PIK3CA: variants seen among roughly 807,000 people sequenced by gnomAD.
PIK3CA encodes the protein phosphatidylinositol-4,5-bisphosphate 3-kinase catalytic subunit alpha.
PIK3CA carries 27 observed loss-of-function variants against 138.2 expected under a neutral mutation model. The observed-to-expected ratio is 0.20, with a 90% CI of 0.14 to 0.27. The LOEUF is 0.27. PIK3CA is among the 10% of genes least tolerant of loss of function. The pLI is 1.00. For synonymous variants in PIK3CA, 358 were observed against 413.2 expected (o/e 0.87, Z 1.62); for missense variants, 544 against 1,277.4 (o/e 0.43, Z 8.75).
chr3:179,235,543 T>C lies in PIK3CA; in HGVS notation c.*1179T>C, dbSNP rs1725317376. ...TCTTTCCTTTTATTTCTTATGTGAA[T>C]CTCCCGTCTTCCATTCTCTTTTATA... On this transcript the variant is annotated 3_prime_UTR_variant, in exon 21 of 21. Transcript: ENST00000263967. The C allele has an allele frequency of 5.1e-6, 1 of 197,942 alleles. No homozygotes were observed. 12.3% of individuals were successfully genotyped at this position (197,942 alleles called of 1,614,324 possible). A position where few individuals can be genotyped will look rare whatever the true frequency, so the allele number is the denominator to read the frequency against.
At chr3:179,215,661 A>C (rs1279686718) in intron 9 of PIK3CA, among the ~76,000 whole-genome samples, 2 of 152,114 alleles carry the variant, frequency 1.3e-5, no homozygotes, top group Admixed American at 6.5e-5. Flanking sequence ...ATCTTTCCAG[A>C]AGTATAGAAG....
chr3:179,186,106 C>G (rs1723975677), intron 1 of PIK3CA, among the ~76,000 whole-genome samples: 1 of 152,158 alleles, frequency 6.6e-6, no homozygotes, highest in African/African-American at 2.4e-5. Flanking sequence ...GGGCTGCCAG[C>G]CACCAGTCAA....
At chr3:179,160,888 T>C (rs888371998) in intron 1 of PIK3CA, among the ~76,000 whole-genome samples, 3 of 152,010 alleles carry the variant, frequency 2.0e-5, no homozygotes, top group Admixed American at 1.3e-4. Flanking sequence ...AATACCTCTT[T>C]CAGTTACTAG....
intron 1 of PIK3CA, among the ~76,000 whole-genome samples, chr3:179,187,839 A>G (rs1434255807): frequency 6.6e-6 from 1 of 151,892 alleles, no homozygotes; most frequent in African/African-American, 2.4e-5. Flanking sequence ...GGGTTTCACC[A>G]TGTTGGCCAG....
chr3:179,175,716 T>C (rs1723680355), intron 1 of PIK3CA, among the ~76,000 whole-genome samples: 1 of 152,140 alleles, frequency 6.6e-6, no homozygotes, highest in Admixed American at 6.5e-5. Flanking sequence ...GTTGATTTTT[T>C]TTTTTTTTCA....
rs1266632047 is a variant in PIK3CA at position 179,199,000 on chromosome 3, C to T, written c.175C>T (p.His59Tyr). ...TAAAGAAGCAAGAAAATACCCCCTCCATCAACTTCTTCAAGATGAATCTTC... is the reference window on the plus strand; with the variant it reads ...TAAAGAAGCAAGAAAATACCCCCTCTATCAACTTCTTCAAGATGAATCTTC... ...LFKEARKYPL[H>Y]QLLQDESSYI... The change falls in exon 2 of 21, where the codon CAT (histidine) becomes TAT (tyrosine). Residue 59 changes from histidine (H) to tyrosine (Y), a missense_variant. By Grantham distance (83) the His-to-Tyr change is moderately conservative (BLOSUM62 2). Coordinates refer to ENST00000263967, the MANE Select transcript of PIK3CA (RefSeq NM_006218.4). 2.5e-6 allele frequency: 4 copies of T among 1,613,342 alleles called. No homozygotes were observed. The Admixed American group carries it at 6.7e-5, about 27-fold the overall frequency.
In PIK3CA at chr3:179,152,874, A is replaced by G. The variant is rs149364489; in HGVS notation, c.-77+4271A>G. Among the ~76,000 whole-genome samples, 18 of 152,288 alleles carry G rather than the reference A, an allele frequency of 1.2e-4. 1 individual carries two copies. The highest frequency in any genetic ancestry group is 4.3e-4 in the African/African-American group (18 of 41,564). ...TGCTTGGGAAATAATTATGCCTGGA[A>G]GTTTCAACCAAGAGAGAATAGCAAG... On this transcript the variant is annotated intron_variant, in intron 1 of 20. Transcript: ENST00000263967.
intron 1 of PIK3CA, among the ~76,000 whole-genome samples, chr3:179,171,712 AC>A (rs1723563269): frequency 6.6e-6 from 1 of 152,130 alleles, no homozygotes; most frequent in Non-Finnish European, 1.5e-5. Context: ...ATCTAAATAG[AC>A]CTATATAGAG....
At chr3:179,176,401 G>C (rs998893557) in intron 1 of PIK3CA, among the ~76,000 whole-genome samples, 1 of 151,962 alleles carries the variant, frequency 6.6e-6, no homozygotes, top group African/African-American at 2.4e-5. Context: ...TGAGGTTTTT[G>C]TTTGTTGTTT....
At chr3:179,153,603 C>T (rs1318813992) in intron 1 of PIK3CA, among the ~76,000 whole-genome samples, 1 of 152,162 alleles carries the variant, frequency 6.6e-6, no homozygotes, top group Non-Finnish European at 1.5e-5. Context: ...TAGTATGTCT[C>T]ATTATGTATA....
chr3:179,202,525 G>A (rs1175981654), intron 4 of PIK3CA, among the ~76,000 whole-genome samples: 1 of 152,120 alleles, frequency 6.6e-6, no homozygotes, highest in Admixed American at 6.6e-5. Context: ...AAGCAACTAC[G>A]TTTGTGCCAA....
At chr3:179,214,828 T>A (rs1247279876) in intron 9 of PIK3CA, among the ~76,000 whole-genome samples, 1 of 152,134 alleles carries the variant, frequency 6.6e-6, no homozygotes. Context: ...TTATCCCAGG[T>A]TCCCCAGGAA....
chr3:179,176,638 C>G (rs956482410), intron 1 of PIK3CA, among the ~76,000 whole-genome samples: 6 of 152,060 alleles, frequency 3.9e-5, no homozygotes, highest in African/African-American at 1.4e-4. Flanking sequence ...ATGTCAGTAC[C>G]TACAAGTCTA....
At chr3:179,212,681 TCCTC>T (rs754113009) in intron 9 of PIK3CA, among the ~76,000 whole-genome samples, 2 of 151,576 alleles carry the variant, frequency 1.3e-5, no homozygotes, top group African/African-American at 4.8e-5. Flanking sequence ...GCTCAAGTGA[TCCTC>T]CCTCCCCTAC....
At chr3:179,160,784 A>G (rs930291707) in intron 1 of PIK3CA, among the ~76,000 whole-genome samples, 10 of 150,234 alleles carry the variant, frequency 6.7e-5, no homozygotes, top group Non-Finnish European at 8.8e-5. Flanking sequence ...TACTTTATGG[A>G]TGACTTGAGA....
intron 14 of PIK3CA, among the ~76,000 whole-genome samples, 169 bp downstream of exon 14, chr3:179,221,326 C>T (rs576221680): frequency 4.6e-5 from 7 of 152,078 alleles, no homozygotes; most frequent in Non-Finnish European, 1.0e-4. Flanking sequence ...CATGCAGGCT[C>T]TCAGGACTCA....
intron 1 of PIK3CA, among the ~76,000 whole-genome samples, chr3:179,172,801 T>A (rs1723592167): frequency 6.6e-6 from 1 of 152,154 alleles, no homozygotes. Flanking sequence ...CTTGTCAGAT[T>A]TTCTCATAGA....
intron 6 of PIK3CA, among the ~76,000 whole-genome samples, chr3:179,205,020 C>CAAAAAAAAAAAAAAAAAAAAA (rs574908621): frequency 5.6e-5 from 3 of 53,348 alleles, no homozygotes; most frequent in Non-Finnish European, 1.0e-4. Context: ...GACTCCGTCT[C>CAAAAAAAAAAAAAAAAAAAAA]AAAAAAAAAA....
rs1261647658 is a variant in PIK3CA, at chr3:179,190,466, T to G, written c.-76-8284T>G. ...TGGTAACATTTAAAAAGGGAGTAACTGACTCTAGAAATATTTAAAGTAACT... is the reference window on the plus strand; with the variant it reads ...TGGTAACATTTAAAAAGGGAGTAACGGACTCTAGAAATATTTAAAGTAACT... On this transcript the variant is annotated intron_variant, in intron 1 of 20. Transcript: ENST00000263967. Among the ~76,000 whole-genome samples, 3 of 152,110 alleles carry G rather than the reference T, an allele frequency of 2.0e-5. No individual in the cohort carries two copies. The East Asian group carries it at 5.8e-4, about 29-fold the overall frequency.
Sources: gnomAD v4.1 joint callset for allele counts (sites outside exome capture counted in the v4.1 genomes callset) on GRCh38, gnomAD v4.1.1 for gene constraint, MANE v1.5 for transcripts, NCBI Gene and HGNC (gene_info 2026-07-23, HGNC 2026-07-21) for gene names.